KIRREL3: variants seen among roughly 807,000 people sequenced by gnomAD.
KIRREL3 encodes kirre like nephrin family adhesion molecule 3, also known as kin of IRRE-like protein 3.
Under a neutral mutation model 89.7 loss-of-function variants are expected in KIRREL3, and 36 were observed. That is an observed-to-expected ratio of 0.40 (90% CI 0.31 to 0.53). The LOEUF (loss-of-function observed/expected upper bound fraction) is 0.53. Among genes scored for constraint, KIRREL3 ranks in the 20% least tolerant of loss-of-function variants. The pLI is 0.49. For missense variants in KIRREL3, 864 were observed against 1,056.6 expected, an observed-to-expected ratio of 0.82 and a Z score of 2.53; for synonymous variants, 445 against 441.4, an observed-to-expected ratio of 1.01 and a Z score of -0.10.
At chr11:126,975,884 TTCCCTCCCTCCC>T (rs1026239322) in intron 1 of KIRREL3, among the ~76,000 whole-genome samples, 3 of 125,980 alleles carry the variant, frequency 2.4e-5, no homozygotes, top group Non-Finnish European at 3.3e-5. Flanking sequence ...GGTTTTTCTT[TTCCCTCCCTCCC>T]TCCCTCCCTT....
At position 126,714,578 on chromosome 11, in the gene KIRREL3, A is replaced by G. The variant is rs529385762; in HGVS notation, c.56-151666T>C. The stretch of plus-strand genomic sequence containing the variant: ...TGGGAGGCAGCCCTCTACACATGAT[A>G]GGTATGGGGCTGGTGGGGATAAATG... On this transcript the variant is annotated intron_variant, in intron 1 of 16. Coordinates refer to ENST00000525144, the MANE Select transcript of KIRREL3 (RefSeq NM_032531.4). Among the ~76,000 whole-genome samples the G allele has an allele frequency of 1.1e-3, 161 of 152,248 alleles. 2 individuals carry two copies. The South Asian group carries it at 0.024, about 23-fold the overall frequency.
Position 126,440,434 on chromosome 11 carries a change from C to G in KIRREL3, c.1353+15G>C. On this transcript the variant is annotated intron_variant, in intron 11 of 16. Coordinates refer to ENST00000525144, the MANE Select transcript of KIRREL3 (RefSeq NM_032531.4). The stretch of plus-strand genomic sequence containing the variant: ...TGCTGGCCCGGCCCCCGCCCGCCGT[C>G]CCTGGAGCACTCACGATGCGGTCCG... The G allele has an allele frequency of 6.4e-7, 1 of 1,558,536 alleles. No individual in the cohort carries two copies. The highest frequency in any genetic ancestry group is 8.7e-7 in the Non-Finnish European group (1 of 1,152,228).
At position 126,676,810 on chromosome 11, in the gene KIRREL3, A is replaced by G. The variant is rs192417564; in HGVS notation, c.56-113898T>C. Among the ~76,000 whole-genome samples the G allele has an allele frequency of 1.3e-5, 2 of 151,022 alleles. No individual in the cohort carries two copies. Among genetic ancestry groups the G allele is most frequent in the Non-Finnish European group, 3.0e-5 (2 of 67,736 alleles). On this transcript the variant is annotated intron_variant, in intron 1 of 16. Transcript: ENST00000525144. This position sits in a 1 kb window ranked among gnomAD's most constrained non-coding sequence, Gnocchi z 4.5. ...TTTTTTTTTTTTCCTTTTGAGACAG[A>G]GTCTCCCTCTGCCATCTGGACTGGT...
intron 1 of KIRREL3, among the ~76,000 whole-genome samples, chr11:126,842,495 A>C (rs1001892917): frequency 6.6e-6 from 1 of 152,188 alleles, no homozygotes; most frequent in Non-Finnish European, 1.5e-5. Flanking sequence ...GACCATGACC[A>C]TATTGGGGTT....
rs1188006742 is a variant in KIRREL3 at position 126,975,154 on chromosome 11, G to A, written c.55+25301C>T. Among the ~76,000 whole-genome samples the A allele has an allele frequency of 2.0e-5, 3 of 152,112 alleles. No individual in the cohort carries two copies. The South Asian group carries it at 6.2e-4, about 32-fold the overall frequency. ...TTATAAGACCACCGTCATATATGCAGTCGGTCCTTGACCAACAGCTATGTG... is the reference window on the plus strand; with the variant it reads ...TTATAAGACCACCGTCATATATGCAATCGGTCCTTGACCAACAGCTATGTG... On this transcript the variant is annotated intron_variant, in intron 1 of 16. Transcript: ENST00000525144.
In KIRREL3 at chr11:126,812,538, G is replaced by A. The variant is rs1296535255; in HGVS notation, c.55+187917C>T. 1.3e-5 allele frequency among the ~76,000 whole-genome samples: 2 copies of A among 152,094 alleles called. No individual in the cohort carries two copies. The highest frequency in any genetic ancestry group is 2.4e-5 in the African/African-American group (1 of 41,408). On this transcript the variant is annotated intron_variant, in intron 1 of 16. Coordinates refer to ENST00000525144, the MANE Select transcript of KIRREL3 (RefSeq NM_032531.4). The surrounding 1 kb of genome is among the most constrained non-coding windows in gnomAD (Gnocchi z 5.2). Reference sequence around the variant, plus strand: ...GTTCTGCCACTCCAGTACTCCGCACGGTGTCTGGCACACAGTAGGCACTTC... The same window carrying A: ...GTTCTGCCACTCCAGTACTCCGCACAGTGTCTGGCACACAGTAGGCACTTC...
intron 1 of KIRREL3, among the ~76,000 whole-genome samples, chr11:126,961,121 T>A (rs1486603412): frequency 6.6e-6 from 1 of 152,112 alleles, no homozygotes; most frequent in Non-Finnish European, 1.5e-5. Flanking sequence ...CCCTATTCCA[T>A]GAGACACAAC....
rs1950220078 is a variant in KIRREL3, at chr11:126,997,886, TTTG to T, written c.55+2566_55+2568del. On this transcript the variant is annotated intron_variant, in intron 1 of 16. Transcript: ENST00000525144. This position sits in a 1 kb window ranked among gnomAD's most constrained non-coding sequence, Gnocchi z 4.3. ...AAGGCACTAAAAACAACCCTGGACA[TTTG>T]TTGTCTCTGAGGGAAAGGCCATCCC... is the stretch of plus-strand genomic sequence containing the variant. Among the ~76,000 whole-genome samples, 2 of 152,054 alleles carry T rather than the reference TTTG, an allele frequency of 1.3e-5. No homozygotes were observed. Among genetic ancestry groups the T allele is most frequent in the Non-Finnish European group, 2.9e-5 (2 of 68,000 alleles).
chr11:126,450,552 C>A (rs1282618609), intron 7 of KIRREL3, among the ~76,000 whole-genome samples: 2 of 125,224 alleles, frequency 1.6e-5, no homozygotes, highest in Non-Finnish European at 3.4e-5. Context: ...TGTCAATGTG[C>A]ATGTGTGCAT....
intron 4 of KIRREL3, among the ~76,000 whole-genome samples, chr11:126,494,751 A>G (rs79854913): frequency 0.011 from 1,730 of 152,216 alleles, 31 homozygotes; most frequent in African/African-American, 0.039. Flanking sequence ...CACCTGGGGC[A>G]TGTTCAGGCC....
In KIRREL3 at chr11:126,860,179, G is replaced by A. The variant is rs1404808642; in HGVS notation, c.55+140276C>T. 1.3e-5 allele frequency among the ~76,000 whole-genome samples: 2 copies of A among 152,176 alleles called. No homozygotes were observed. The highest frequency in any genetic ancestry group is 2.4e-5 in the African/African-American group (1 of 41,436). ...TTTCAATACAACAAACAGGTAACGAGCATTTGTGATGTGCCCGTTGCTGGT... is the reference window on the plus strand; with the variant it reads ...TTTCAATACAACAAACAGGTAACGAACATTTGTGATGTGCCCGTTGCTGGT... On this transcript the variant is annotated intron_variant, in intron 1 of 16. Coordinates refer to ENST00000525144, the MANE Select transcript of KIRREL3 (RefSeq NM_032531.4). This position sits in a 1 kb window ranked among gnomAD's most constrained non-coding sequence, Gnocchi z 4.6.
chr11:126,884,455 G>A (rs894544320), intron 1 of KIRREL3, among the ~76,000 whole-genome samples: 3 of 152,194 alleles, frequency 2.0e-5, no homozygotes, highest in Non-Finnish European at 4.4e-5. Flanking sequence ...CAAAGTTCAA[G>A]CACAGAGAGA....
chr11:126,731,861 A>G (rs1948629792), intron 1 of KIRREL3, among the ~76,000 whole-genome samples: 1 of 152,272 alleles, frequency 6.6e-6, no homozygotes, highest in Non-Finnish European at 1.5e-5. Flanking sequence ...ATGCTGGATC[A>G]AAAGCAAGGA....
At position 126,943,147 on chromosome 11, in the gene KIRREL3, G is replaced by T. The variant is rs995064692; in HGVS notation, c.55+57308C>A. Among the ~76,000 whole-genome samples, 53 of 152,330 alleles carry T rather than the reference G, an allele frequency of 3.5e-4. No homozygotes were observed. The highest frequency in any genetic ancestry group is 3.5e-3 in the Admixed American group (53 of 15,300). On this transcript the variant is annotated intron_variant, in intron 1 of 16. Coordinates refer to ENST00000525144, the MANE Select transcript of KIRREL3 (RefSeq NM_032531.4). The surrounding 1 kb of genome is among the most constrained non-coding windows in gnomAD (Gnocchi z 4.2). The stretch of plus-strand genomic sequence containing the variant: ...ATGTTTTCATCAGTGCCATAGGCCT[G>T]GGTGCTGCTCCTGCTCCACTGGGGC...
rs1950549925 is a variant in KIRREL3 at position 126,788,632 on chromosome 11, G to GTTAATA, written c.55+211822_55+211823insTATTAA. On this transcript the variant is annotated intron_variant, in intron 1 of 16. Coordinates refer to ENST00000525144, the MANE Select transcript of KIRREL3 (RefSeq NM_032531.4). This position sits in a 1 kb window ranked among gnomAD's most constrained non-coding sequence, Gnocchi z 4.1. ...CTGTGCTGCAGTTGCTATGTCTTGG[G>GTTAATA]TTAAAAGTCTGTTTAGCCTCACCAG... Among the ~76,000 whole-genome samples, 1 of 152,136 alleles carries GTTAATA rather than the reference G, an allele frequency of 6.6e-6. No individual in the cohort carries two copies.
rs890329034 is a variant in KIRREL3, at chr11:126,981,549, A to G, written c.55+18906T>C. Among the ~76,000 whole-genome samples the G allele has an allele frequency of 6.6e-6, 1 of 152,222 alleles. No homozygotes were observed. On this transcript the variant is annotated intron_variant, in intron 1 of 16. Coordinates refer to ENST00000525144, the MANE Select transcript of KIRREL3 (RefSeq NM_032531.4). The surrounding 1 kb of genome is among the most constrained non-coding windows in gnomAD (Gnocchi z 4.2). ...TTTCACTGAAATGAGATCTGCCTCT[A>G]CCACCCGACTCTATGAAGCAAAGGC...
At position 126,776,033 on chromosome 11, in the gene KIRREL3, C is replaced by T. The variant is rs962288727; in HGVS notation, c.56-213121G>A. On this transcript the variant is annotated intron_variant, in intron 1 of 16. Transcript: ENST00000525144. The surrounding 1 kb of genome is among the most constrained non-coding windows in gnomAD (Gnocchi z 4.7). The stretch of plus-strand genomic sequence containing the variant: ...ATTGGGGGCCACACTCCTGAGACAG[C>T]AGAGTGGGAGCCTGGGGAAGCTCCC... Among the ~76,000 whole-genome samples the T allele has an allele frequency of 6.6e-6, 1 of 152,196 alleles. No homozygotes were observed. The highest frequency in any genetic ancestry group is 1.9e-4 in the East Asian group (1 of 5,180).
At chr11:126,426,662 G>T (rs1271406984) in intron 15 of KIRREL3, among the ~76,000 whole-genome samples, 1 of 152,292 alleles carries the variant, frequency 6.6e-6, no homozygotes, top group African/African-American at 2.4e-5. Flanking sequence ...TGTGACACAC[G>T]AGAGGCTTGC....
rs921402351 is a variant in KIRREL3, at chr11:126,983,803, G to A, written c.55+16652C>T. Reference sequence around the variant, plus strand: ...TGTGTTGTTTTAAGCCACTACGTCTGTGGTAACATGTTAACAGCAGCACTG... The same window carrying A: ...TGTGTTGTTTTAAGCCACTACGTCTATGGTAACATGTTAACAGCAGCACTG... On this transcript the variant is annotated intron_variant, in intron 1 of 16. Transcript: ENST00000525144. The surrounding 1 kb of genome is among the most constrained non-coding windows in gnomAD (Gnocchi z 4.9). Among the ~76,000 whole-genome samples, 1 of 152,178 alleles carries A rather than the reference G, an allele frequency of 6.6e-6. No homozygotes were observed. The highest frequency in any genetic ancestry group is 2.4e-5 in the African/African-American group (1 of 41,442).
Sources: gnomAD v4.1 joint callset for allele counts (sites outside exome capture counted in the v4.1 genomes callset) on GRCh38, gnomAD v4.1.1 for gene constraint, Gnocchi (gnomAD v3.1) non-coding constraint, MANE v1.5 for transcripts, NCBI Gene and HGNC (gene_info 2026-07-23, HGNC 2026-07-21) for gene names.